Variants in KCNT2 observed in about 807,000 individuals in gnomAD.
The protein encoded by KCNT2 is potassium channel subfamily T member 2.
Under a neutral mutation model 153.8 loss-of-function variants are expected in KCNT2, and 67 were observed. That is an observed-to-expected ratio of 0.44 (90% CI 0.36 to 0.53). The LOEUF is 0.53. Ranked by LOEUF, KCNT2 falls within the 20% of genes least tolerant of loss-of-function variation. The pLI is 0.00. For missense variants in KCNT2, 975 were observed against 1,354.8 expected (o/e 0.72, Z 4.40); for synonymous variants, 500 against 458.8 (o/e 1.09, Z -1.15).
At position 196,315,787 on chromosome 1, in the gene KCNT2, TA is replaced by T; in HGVS notation, c.2483+104del. On this transcript the variant is annotated intron_variant, in intron 21 of 27. Coordinates refer to ENST00000294725, the MANE Select transcript of KCNT2 (RefSeq NM_198503.5). The stretch of plus-strand genomic sequence containing the variant: ...TATGAAAAAAATGAATAAATGAACA[TA>T]AAGTTGGTGTGTCTCATGTTCATTC... The T allele has an allele frequency of 3.1e-6, 3 of 958,166 alleles. No individual in the cohort carries two copies. The East Asian group carries it at 8.5e-5, about 27-fold the overall frequency. The allele number at this position is 958,166 out of a possible 1,614,324, so 59.4% of individuals were successfully genotyped here. A position where few individuals can be genotyped will look rare whatever the true frequency, so the allele number is the denominator to read the frequency against.
At chr1:196,339,546 G>GAGAC (rs1558165868) in intron 16 of KCNT2, among the ~76,000 whole-genome samples, 6 of 151,434 alleles carry the variant, frequency 4.0e-5, no homozygotes, top group African/African-American at 2.4e-5. Context: ...GAGAGAGAGA[G>GAGAC]AGAGAGACAG....
At chr1:196,395,637 C>G (rs1025253402) in intron 13 of KCNT2, among the ~76,000 whole-genome samples, 1 of 151,494 alleles carries the variant, frequency 6.6e-6, no homozygotes, top group African/African-American at 2.4e-5. Context: ...CTTGAAGAAG[C>G]CTGAGGTCAT....
At chr1:196,464,591 A>G (rs1677443739) in intron 8 of KCNT2, among the ~76,000 whole-genome samples, 1 of 151,854 alleles carries the variant, frequency 6.6e-6, no homozygotes, top group Non-Finnish European at 1.5e-5. Context: ...TCACAGCACA[A>G]TTACACATAT....
chr1:196,307,061 C>T (rs1661700140), intron 21 of KCNT2, among the ~76,000 whole-genome samples: 2 of 151,846 alleles, frequency 1.3e-5, no homozygotes, highest in South Asian at 4.1e-4. Context: ...ATTTCTTTTG[C>T]TGACTTTTAA....
intron 13 of KCNT2, among the ~76,000 whole-genome samples, chr1:196,386,689 G>A (rs1055633538): frequency 6.6e-6 from 1 of 152,036 alleles, no homozygotes; most frequent in Non-Finnish European, 1.5e-5. Context: ...TTTACGAATA[G>A]CTACCACTTT....
intron 18 of KCNT2, among the ~76,000 whole-genome samples, chr1:196,329,874 C>T (rs1664269553): frequency 8.3e-6 from 1 of 120,938 alleles, no homozygotes; most frequent in Non-Finnish European, 1.6e-5. Flanking sequence ...TATATATACA[C>T]TTATATGTGT....
intron 18 of KCNT2, among the ~76,000 whole-genome samples, chr1:196,329,879 A>ATGTGTGTGTGTG (rs57881763): frequency 1.4e-4 from 17 of 124,788 alleles, no homozygotes; most frequent in Non-Finnish European, 2.3e-4. Context: ...ATACACTTAT[A>ATGTGTGTGTGTG]TGTGTGTGTG....
chr1:196,469,870 A>G (rs1046538755), intron 5 of KCNT2, among the ~76,000 whole-genome samples: 3 of 152,168 alleles, frequency 2.0e-5, no homozygotes, highest in Non-Finnish European at 2.9e-5. Flanking sequence ...GAAGAGATCT[A>G]TGTATTAGAA....
At chr1:196,519,408 A>C (rs965775597) in intron 1 of KCNT2, among the ~76,000 whole-genome samples, 1 of 152,184 alleles carries the variant, frequency 6.6e-6, no homozygotes, top group African/African-American at 2.4e-5. Context: ...AAGCAAACCA[A>C]ACCCAAAGCT....
intron 21 of KCNT2, among the ~76,000 whole-genome samples, chr1:196,313,000 A>C (rs528434017): frequency 6.6e-6 from 1 of 151,588 alleles, no homozygotes; most frequent in South Asian, 2.1e-4. Context: ...AGGAGAGAAA[A>C]CTGGGAGTAG....
At position 196,397,480 on chromosome 1, in the gene KCNT2, A is replaced by G. The variant is rs575516953; in HGVS notation, c.1294+1083T>C. On this transcript the variant is annotated intron_variant, in intron 13 of 27. Coordinates refer to ENST00000294725, the MANE Select transcript of KCNT2 (RefSeq NM_198503.5). ...AATTTCAGTTAAGAAATAGTCTTAG[A>G]GAGGCCCTAGCACCTATCATACTGT... Among the ~76,000 whole-genome samples the G allele has an allele frequency of 3.3e-5, 5 of 151,606 alleles. No homozygotes were observed. In the South Asian group the frequency reaches 1.0e-3, roughly 31 times the overall value.
intron 8 of KCNT2, among the ~76,000 whole-genome samples, chr1:196,442,373 A>G (rs1049803703): frequency 6.6e-6 from 1 of 151,816 alleles, no homozygotes; most frequent in Admixed American, 6.6e-5. Flanking sequence ...GAGTACTATT[A>G]AGTGTCAGGC....
chr1:196,444,094 A>T (rs1310386782), intron 8 of KCNT2, among the ~76,000 whole-genome samples: 1 of 151,432 alleles, frequency 6.6e-6, no homozygotes, highest in Admixed American at 6.6e-5. Flanking sequence ...TGCAAAAAAC[A>T]TAAGAGAGAG....
chr1:196,501,496 A>G (rs866124024), intron 1 of KCNT2, among the ~76,000 whole-genome samples: 15 of 152,324 alleles, frequency 9.8e-5, no homozygotes, highest in African/African-American at 3.6e-4. Context: ...TAGAAACAGA[A>G]AGTCATATAT....
At chr1:196,487,805 A>G (rs902767873) in intron 3 of KCNT2, among the ~76,000 whole-genome samples, 7 of 151,996 alleles carry the variant, frequency 4.6e-5, no homozygotes, top group Non-Finnish European at 1.0e-4. Context: ...GAATCCAAAT[A>G]CCATAAAATA....
At chr1:196,314,590 G>A (rs1662521918) in intron 21 of KCNT2, among the ~76,000 whole-genome samples, 1 of 151,654 alleles carries the variant, frequency 6.6e-6, no homozygotes, top group African/African-American at 2.4e-5. Context: ...GATTTTCCAG[G>A]TGCTATGACA....
intron 26 of KCNT2, among the ~76,000 whole-genome samples, chr1:196,238,874 A>G (rs1363234866): frequency 6.6e-6 from 1 of 151,936 alleles, no homozygotes; most frequent in African/African-American, 2.4e-5. Flanking sequence ...CTAAAAGCCT[A>G]TTGCAGTCAC....
chr1:196,413,406 T>G (rs1255262067), intron 12 of KCNT2, among the ~76,000 whole-genome samples: 5 of 151,644 alleles, frequency 3.3e-5, no homozygotes, highest in Non-Finnish European at 7.4e-5. Context: ...TTTGGATCCT[T>G]TTTTTCCATT....
At chr1:196,409,855 T>G (rs1430064452) in intron 12 of KCNT2, among the ~76,000 whole-genome samples, 1 of 151,642 alleles carries the variant, frequency 6.6e-6, no homozygotes, top group Non-Finnish European at 1.5e-5. Context: ...CTATTTTAGG[T>G]TTTTGAAAAA....
Sources: gnomAD v4.1 joint callset for allele counts (sites outside exome capture counted in the v4.1 genomes callset) on GRCh38, gnomAD v4.1.1 for gene constraint, MANE v1.5 for transcripts, NCBI Gene and HGNC (gene_info 2026-07-23, HGNC 2026-07-21) for gene names.